STAT3: variants seen among roughly 807,000 people sequenced by gnomAD.
The protein encoded by STAT3 is signal transducer and activator of transcription 3, also known as DNA-binding protein APRF.
In STAT3, 7 loss-of-function variants were observed where a neutral mutation model predicts 114.3. That is an observed-to-expected ratio of 0.06 (90% CI 0.03 to 0.11). The LOEUF (loss-of-function observed/expected upper bound fraction) is 0.11, where lower values mean the gene tolerates loss of function less well. Ranked by LOEUF, STAT3 falls within the 10% of genes least tolerant of loss-of-function variation. The pLI, the probability that STAT3 is intolerant of heterozygous loss-of-function variation, is 1.00. For missense variants in STAT3, 364 were observed against 960.9 expected, an observed-to-expected ratio of 0.38 and a Z score of 8.21; for synonymous variants, 331 against 354.5, an observed-to-expected ratio of 0.93 and a Z score of 0.74.
intron 1 of STAT3, among the ~76,000 whole-genome samples, chr17:42,372,427 A>G (rs1400653530): frequency 6.6e-6 from 1 of 152,220 alleles, no homozygotes; most frequent in Non-Finnish European, 1.5e-5. Context: ...CCTGAAATGC[A>G]TATCATTTAC....
rs1248075823 is a variant in STAT3, at chr17:42,343,336, TCTC to T, written c.372+2220_372+2222del. Among the ~76,000 whole-genome samples the T allele has an allele frequency of 1.1e-4, 16 of 151,874 alleles. No homozygotes were observed. In the South Asian group the frequency reaches 3.3e-3, roughly 32 times the overall value. ...AAACCCCTCACAGAAAGTAAAAAAG[TCTC>T]CTATGACCGACTACTTTAATGATTT... On this transcript the variant is annotated intron_variant, in intron 4 of 23. Coordinates refer to ENST00000264657, the MANE Select transcript of STAT3 (RefSeq NM_139276.3).
chr17:42,368,599 G>A (rs1258955709), intron 1 of STAT3, among the ~76,000 whole-genome samples: 1 of 151,986 alleles, frequency 6.6e-6, no homozygotes, highest in Admixed American at 6.6e-5. Context: ...AGCTGGGACT[G>A]CAGGCATGCA....
intron 1 of STAT3, among the ~76,000 whole-genome samples, chr17:42,375,499 A>G (rs1240017828): frequency 6.6e-6 from 1 of 152,190 alleles, no homozygotes; most frequent in Non-Finnish European, 1.5e-5. Context: ...CTTCGCTCTC[A>G]TGGCCCCTTT....
chr17:42,343,163 C>T (rs1246496685), intron 4 of STAT3, among the ~76,000 whole-genome samples: 1 of 131,768 alleles, frequency 7.6e-6, no homozygotes, highest in Non-Finnish European at 1.6e-5. Context: ...CAGAGTGAGA[C>T]TGTCTCAAAA....
chr17:42,343,018 A>T (rs1243790643), intron 4 of STAT3, among the ~76,000 whole-genome samples: 1 of 151,352 alleles, frequency 6.6e-6, no homozygotes, highest in Non-Finnish European at 1.5e-5. Flanking sequence ...AAAAAAAAAA[A>T]AAAATTAGCT....
chr17:42,361,714 T>C (rs72823022), intron 1 of STAT3, among the ~76,000 whole-genome samples: 7,527 of 152,002 alleles, frequency 0.05, 269 homozygotes, highest in Non-Finnish European at 0.076. Flanking sequence ...CAGTACACTG[T>C]AGAGACTGTA....
rs2081172118 is a variant in STAT3, at chr17:42,314,220, C to G, written c.*1525G>C. 1 of 232,774 alleles carries G rather than the reference C, an allele frequency of 4.3e-6. No individual in the cohort carries two copies. Among genetic ancestry groups the G allele is most frequent in the African/African-American group, 2.2e-5 (1 of 45,276 alleles). 14.4% of individuals were successfully genotyped at this position (232,774 alleles called of 1,614,324 possible). On this transcript the variant is annotated 3_prime_UTR_variant, in exon 24 of 24. Coordinates refer to ENST00000264657, the MANE Select transcript of STAT3 (RefSeq NM_139276.3). ...GGGCAGACTCAAGTTTATCAGTAAG[C>G]CTTTGCCCTGCATGAACTGAATGAA...
intron 1 of STAT3, among the ~76,000 whole-genome samples, chr17:42,377,146 C>T (rs1382896378): frequency 6.6e-6 from 1 of 152,200 alleles, no homozygotes; most frequent in Non-Finnish European, 1.5e-5. Context: ...ACACAGCCAA[C>T]GCTAATTTGC....
intron 1 of STAT3, among the ~76,000 whole-genome samples, chr17:42,358,233 C>A (rs943428412): frequency 6.6e-6 from 1 of 152,108 alleles, no homozygotes; most frequent in African/African-American, 2.4e-5. Context: ...CTGGGCAACA[C>A]CGTGAGACCT....
In STAT3 at chr17:42,324,589, C is replaced by T. The variant is rs1002397860; in HGVS notation, c.1600+122G>A. On this transcript the variant is annotated intron_variant, in intron 17 of 23. Transcript: ENST00000264657. The surrounding 1 kb of genome is among the most constrained non-coding windows in gnomAD (Gnocchi z 4.5). Reference sequence around the variant, plus strand: ...CCCCTGTTTCCTGGCACCAGCACAGCGCCTTGCTCAGGAAAGAAACATGGC... The same window carrying T: ...CCCCTGTTTCCTGGCACCAGCACAGTGCCTTGCTCAGGAAAGAAACATGGC... The T allele has an allele frequency of 4.1e-5, 57 of 1,393,912 alleles. No individual in the cohort carries two copies. In the East Asian group the frequency reaches 7.8e-4, roughly 19 times the overall value. 86.3% of individuals were successfully genotyped at this position (1,393,912 alleles called of 1,614,324 possible). A position where few individuals can be genotyped will look rare whatever the true frequency, so the allele number is the denominator to read the frequency against.
At chr17:42,360,802 T>C (rs2083472512) in intron 1 of STAT3, among the ~76,000 whole-genome samples, 1 of 152,148 alleles carries the variant, frequency 6.6e-6, no homozygotes, top group Admixed American at 6.6e-5. Flanking sequence ...CTGGATGCTA[T>C]TCTAATTCTG....
At chr17:42,383,674 A>C (rs751287266) in intron 1 of STAT3, among the ~76,000 whole-genome samples, 1 of 152,186 alleles carries the variant, frequency 6.6e-6, no homozygotes, top group Non-Finnish European at 1.5e-5. Flanking sequence ...ATAATCAATA[A>C]GGGCTGGGCC....
intron 4 of STAT3, chr17:42,345,353 A>G: frequency 1.8e-6 from 1 of 559,950 alleles, no homozygotes; most frequent in South Asian, 2.4e-5. Context: ...CTTTTGGTGG[A>G]ACTTTCTTTT....
At chr17:42,319,057 A>C (rs1419432946) in intron 21 of STAT3, among the ~76,000 whole-genome samples, 1 of 152,166 alleles carries the variant, frequency 6.6e-6, no homozygotes, top group Non-Finnish European at 1.5e-5. Flanking sequence ...CCTCACCAAC[A>C]TGGGGAAACC....
intron 21 of STAT3, 76 bp downstream of exon 21, chr17:42,322,206 T>C: frequency 7.1e-7 from 1 of 1,409,848 alleles, no homozygotes; most frequent in South Asian, 1.2e-5. Flanking sequence ...GGCATTTGCC[T>C]ATCTATCCTC....
chr17:42,319,952 A>ACG (rs2081403538), intron 21 of STAT3, among the ~76,000 whole-genome samples: 2 of 152,196 alleles, frequency 1.3e-5, no homozygotes, highest in Admixed American at 6.5e-5. Context: ...CCCTGAGGAA[A>ACG]CGCTGACATC....
At chr17:42,320,842 G>C (rs1415842257) in intron 21 of STAT3, among the ~76,000 whole-genome samples, 1 of 151,528 alleles carries the variant, frequency 6.6e-6, no homozygotes, top group Admixed American at 6.6e-5. Flanking sequence ...AGAACCCAGA[G>C]AGTCAAAACA....
chr17:42,371,808 C>G (rs952578073), intron 1 of STAT3, among the ~76,000 whole-genome samples: 4 of 151,620 alleles, frequency 2.6e-5, no homozygotes, highest in African/African-American at 9.7e-5. Flanking sequence ...ACAGTGAAAC[C>G]CCATCTCTAC....
chr17:42,333,625 G>T lies in STAT3; in HGVS notation c.1049+48C>A. 6.2e-7 allele frequency: 1 copy of T among 1,601,730 alleles called. No homozygotes were observed. Among genetic ancestry groups the T allele is most frequent in the Non-Finnish European group, 8.6e-7 (1 of 1,169,202 alleles). ...CACCAACTCTACCCTCACCCTAACA[G>T]TGTCCCTCAGTAAAATCTCTACTGG... is the stretch of plus-strand genomic sequence containing the variant. On this transcript the variant is annotated intron_variant, in intron 10 of 23. Transcript: ENST00000264657. This position sits in a 1 kb window ranked among gnomAD's most constrained non-coding sequence, Gnocchi z 5.2.
Sources: gnomAD v4.1 joint callset for allele counts (sites outside exome capture counted in the v4.1 genomes callset) on GRCh38, gnomAD v4.1.1 for gene constraint, Gnocchi (gnomAD v3.1) non-coding constraint, MANE v1.5 for transcripts, NCBI Gene and HGNC (gene_info 2026-07-23, HGNC 2026-07-21) for gene names.